The following ABCC6 variants were observed in gnomAD, a reference collection of about 807,000 sequenced individuals.
The protein encoded by ABCC6 is ATP-binding cassette sub-family C member 6.
Under a neutral mutation model 169.5 loss-of-function variants are expected in ABCC6, and 126 were observed. The observed-to-expected ratio is 0.74, with a 90% CI of 0.64 to 0.86. ABCC6 has a LOEUF of 0.86. Ranked by LOEUF, ABCC6 falls within the 40% of genes least tolerant of loss-of-function variation. The pLI is 0.00. For missense variants in ABCC6, 1,733 were observed against 1,927.2 expected (o/e 0.90, Z 1.89); for synonymous variants, 752 against 814.7 (o/e 0.92, Z 1.31).
In ABCC6 at chr16:16,165,687, G is replaced by A. The variant is rs1487991209; in HGVS notation, c.3242C>T (p.Ala1081Val). ...CACAGTGGCCAGTGGGGTAGCCACT[G>A]CCACCACCAGGCTGACCTCCAGGAG... ...FGLLEVSLVVAVATPLATVAI... is the reference protein window; with the variant it reads ...FGLLEVSLVVVVATPLATVAI... Residue 1081 changes from alanine to valine, a missense_variant, in exon 23 of 31, where the codon GCA becomes GTA. By Grantham distance (64) the Ala-to-Val change is moderately conservative (BLOSUM62 0). Transcript: ENST00000205557. The A allele has an allele frequency of 3.1e-6, 5 of 1,613,112 alleles. No homozygotes were observed. The South Asian group carries it at 5.5e-5, about 18-fold the overall frequency.
intron 18 of ABCC6, 105 bp downstream of exon 18, chr16:16,178,693 G>T: frequency 7.7e-7 from 1 of 1,302,156 alleles, no homozygotes; most frequent in South Asian, 1.2e-5. Flanking sequence ...GAGGAAATTG[G>T]ACTCAAGTGG....
intron 10 of ABCC6, among the ~76,000 whole-genome samples, chr16:16,195,177 C>T (rs1193084154): frequency 1.3e-5 from 2 of 152,086 alleles, no homozygotes; most frequent in Non-Finnish European, 2.9e-5. Context: ...GTAGCAACCT[C>T]AGTGTCCACT....
chr16:16,170,458 C>G (rs916522682), intron 21 of ABCC6, among the ~76,000 whole-genome samples: 1 of 152,160 alleles, frequency 6.6e-6, no homozygotes, highest in Non-Finnish European at 1.5e-5. Flanking sequence ...TTATAACAAC[C>G]TCCATTTCAC....
chr16:16,184,838 A>T lies in ABCC6; in HGVS notation c.1943+121T>A, dbSNP rs2239323. 496,812 of 1,129,216 alleles carry T rather than the reference A, an allele frequency of 0.44. 113,435 individuals are homozygous for T. The highest frequency in any genetic ancestry group is 0.48 in the Non-Finnish European group (358,403 of 743,094). 69.9% of individuals were successfully genotyped at this position (1,129,216 alleles called of 1,614,324 possible). A position where few individuals can be genotyped will look rare whatever the true frequency, so the allele number is the denominator to read the frequency against. ...TCCCCGGCAGAGCCCCAGCCCAGCCAAACCCACCCTCCAGTCCCAGGCTGG... is the reference window on the plus strand; with the variant it reads ...TCCCCGGCAGAGCCCCAGCCCAGCCTAACCCACCCTCCAGTCCCAGGCTGG... On this transcript the variant is annotated intron_variant, in intron 15 of 30. Transcript: ENST00000205557.
intron 13 of ABCC6, 54 bp from the exon 14 acceptor site, chr16:16,187,265 T>A: frequency 6.7e-7 from 1 of 1,488,448 alleles, no homozygotes; most frequent in Non-Finnish European, 9.3e-7. Context: ...GAACTCAGGT[T>A]TTGGGTGTCG....
chr16:16,197,875 T>C, intron 10 of ABCC6, 146 bp downstream of exon 10: 2 of 936,208 alleles, frequency 2.1e-6, no homozygotes, highest in Non-Finnish European at 1.6e-6. Flanking sequence ...AGCCTCAGAC[T>C]TGCCCTAACC....
intron 7 of ABCC6, among the ~76,000 whole-genome samples, chr16:16,208,379 G>GTTT (rs560818390): frequency 6.9e-6 from 1 of 145,830 alleles, no homozygotes; most frequent in Non-Finnish European, 1.5e-5. Context: ...TTGTTTGTTT[G>GTTT]TTTTTTTTTT....
At position 16,202,308 on chromosome 16, in the gene ABCC6, G is replaced by A; in HGVS notation, c.999-130C>T. ...TAGTCCAGGTGTGGAGGATCAGTCAGTGTGGTTTTTTTTGCAATAATGGTC... is the reference window on the plus strand; with the variant it reads ...TAGTCCAGGTGTGGAGGATCAGTCAATGTGGTTTTTTTTGCAATAATGGTC... On this transcript the variant is annotated intron_variant, in intron 8 of 30. Transcript: ENST00000205557. The A allele has an allele frequency of 4.6e-6, 5 of 1,090,948 alleles. No homozygotes were observed. The South Asian group carries it at 7.2e-5, about 16-fold the overall frequency. 67.6% of individuals were successfully genotyped at this position (1,090,948 alleles called of 1,614,324 possible). A position where few individuals can be genotyped will look rare whatever the true frequency, so the allele number is the denominator to read the frequency against.
In ABCC6 at chr16:16,177,454, CCTT is replaced by C. The variant is rs1328509959; in HGVS notation, c.2585_2587del (p.Glu862del). The C allele has an allele frequency of 1.2e-6, 2 of 1,614,158 alleles. No individual in the cohort carries two copies. Among genetic ancestry groups the C allele is most frequent in the Middle Eastern group, 1.6e-4 (1 of 6,062 alleles). On this transcript the variant is annotated inframe_deletion, in exon 19 of 31. Coordinates refer to ENST00000205557, the MANE Select transcript of ABCC6 (RefSeq NM_001171.6). ...AATCAGCAAAGCCCACCTAGTACCT[CCTT>C]CTCCTCTATCTCCTGGCTGTCTGGC... is the stretch of plus-strand genomic sequence containing the variant.
chr16:16,150,260 C>T lies in ABCC6; in HGVS notation c.4404-19G>A. 6.2e-7 allele frequency: 1 copy of T among 1,613,784 alleles called. No homozygotes were observed. The highest frequency in any genetic ancestry group is 8.5e-7 in the Non-Finnish European group (1 of 1,179,934). ...CAGAACCCTGTGGGGGAGAGGGAGA[C>T]AGAGAGGCTCTTTGGACACCAGCCC... On this transcript the variant is annotated intron_variant, in intron 30 of 30. Transcript: ENST00000205557.
chr16:16,150,929 C>T (rs149171597), intron 29 of ABCC6, among the ~76,000 whole-genome samples, 157 bp from the exon 30 acceptor site: 1 of 152,356 alleles, frequency 6.6e-6, no homozygotes, highest in East Asian at 1.9e-4. Flanking sequence ...GTCTGCAGAA[C>T]TGATAGGAAG....
intron 22 of ABCC6, among the ~76,000 whole-genome samples, chr16:16,169,348 G>T (rs2046983128): frequency 6.6e-6 from 1 of 152,184 alleles, no homozygotes; most frequent in Non-Finnish European, 1.5e-5. Flanking sequence ...GTCTGGCTCT[G>T]TCTGGAGGTT....
chr16:16,163,731 TGGCAGACA>T (rs1281725658), intron 23 of ABCC6, among the ~76,000 whole-genome samples: 1 of 152,156 alleles, frequency 6.6e-6, no homozygotes, highest in Non-Finnish European at 1.5e-5. Flanking sequence ...TGGGTGCAGC[TGGCAGACA>T]GGCAGGCAGG....
intron 20 of ABCC6, among the ~76,000 whole-genome samples, chr16:16,175,457 G>A (rs60361392): frequency 1.3e-5 from 2 of 152,296 alleles, no homozygotes; most frequent in East Asian, 1.9e-4. Flanking sequence ...AGAGGGGACC[G>A]GAGGCCTCCT....
intron 28 of ABCC6, 30 bp from the exon 29 acceptor site, chr16:16,154,824 G>T: frequency 6.2e-7 from 1 of 1,607,158 alleles, no homozygotes; most frequent in East Asian, 2.2e-5. Flanking sequence ...GGTCAGAGCC[G>T]GGTCCCACCA....
At chr16:16,222,267 C>T (rs535590130) in intron 1 of ABCC6, among the ~76,000 whole-genome samples, 103 of 152,264 alleles carry the variant, frequency 6.8e-4, no homozygotes, top group African/African-American at 2.2e-3. Flanking sequence ...GAACTGCCTC[C>T]CCCAGGGACA....
rs1317388904 is a variant in ABCC6, at chr16:16,203,464, G to A, written c.944C>T (p.Thr315Ile). The change falls in exon 8 of 31, where the codon ACC becomes ATC. Residue 315 changes from threonine to isoleucine, a missense_variant. This residue lies in a region of ABCC6 where 1,601 missense variants were observed against 1,635.5 expected (regional missense o/e 0.98). Coordinates refer to ENST00000205557, the MANE Select transcript of ABCC6 (RefSeq NM_001171.6). The part of the protein sequence containing the change: ...QVFHSTFLLG[T>I]LSLIISDVFR... ...GACATCACTGATGATGAGGCTGAGG[G>A]TCCCCAGGAGGAAGGTAGAATGGAA... The A allele has an allele frequency of 6.2e-7, 1 of 1,613,994 alleles. No homozygotes were observed. The highest frequency in any genetic ancestry group is 1.3e-5 in the African/African-American group (1 of 75,042).
chr16:16,186,999 C>A, intron 14 of ABCC6, 125 bp downstream of exon 14: 1 of 793,540 alleles, frequency 1.3e-6, no homozygotes, highest in South Asian at 1.5e-5. Context: ...GTGATCTGCA[C>A]GTGTCATCCA....
intron 11 of ABCC6, among the ~76,000 whole-genome samples, chr16:16,191,247 C>T (rs1416676140): frequency 6.6e-6 from 1 of 152,158 alleles, no homozygotes; most frequent in African/African-American, 2.4e-5. Context: ...TCCCGAGTAG[C>T]TGGGATTACA....
Sources: gnomAD v4.1 joint callset for allele counts (sites outside exome capture counted in the v4.1 genomes callset) on GRCh38, gnomAD v4.1.1 for gene constraint, gnomAD v4.1.1 regional missense constraint, MANE v1.5 for transcripts, NCBI Gene and HGNC (gene_info 2026-07-23, HGNC 2026-07-21) for gene names.